The following ECI2 variants were observed in gnomAD, a reference collection of about 807,000 sequenced individuals.
ECI2 encodes the protein enoyl-CoA delta isomerase 2.
In ECI2, 27 loss-of-function variants were observed where a neutral mutation model predicts 38.4. The ratio of observed to expected loss-of-function variants is 0.70; its 90% CI spans 0.52 to 0.97. ECI2 has a LOEUF of 0.97. Ranked by LOEUF, ECI2 falls within the 50% of genes least tolerant of loss-of-function variation. ECI2 has a pLI of 0.00. For synonymous variants in ECI2, 168 were observed against 172.0 expected (o/e 0.98, Z 0.18); for missense variants, 470 against 474.4 (o/e 0.99, Z 0.09).
At chr6:4,123,746 C>T (rs1214730730) in intron 7 of ECI2, among the ~76,000 whole-genome samples, 2 of 151,910 alleles carry the variant, frequency 1.3e-5, no homozygotes, top group Non-Finnish European at 2.9e-5. Context: ...GCAGGCGAAT[C>T]ACTTGAGGTC....
At chr6:4,117,762 TC>T (rs1035050212) in intron 8 of ECI2, 20 of 231,892 alleles carry the variant, frequency 8.6e-5, no homozygotes, top group African/African-American at 4.5e-4. Flanking sequence ...GCTATGATTT[TC>T]CATTTGATAC....
At chr6:4,120,489 G>C (rs770977771) in intron 7 of ECI2, among the ~76,000 whole-genome samples, 5 of 152,176 alleles carry the variant, frequency 3.3e-5, no homozygotes, top group African/African-American at 1.2e-4. Flanking sequence ...CACTTTGGGA[G>C]GCAGAGGTGG....
At chr6:4,125,683 CTG>C in intron 6 of ECI2, 1 of 440,362 alleles carries the variant, frequency 2.3e-6, no homozygotes. Flanking sequence ...GGTTGGGTGA[CTG>C]AGCACATGCT....
At chr6:4,132,386 T>C (rs957232478) in intron 2 of ECI2, among the ~76,000 whole-genome samples, 1 of 151,868 alleles carries the variant, frequency 6.6e-6, no homozygotes, top group Non-Finnish European at 1.5e-5. Flanking sequence ...CTGTATAACC[T>C]GAAGCCCCCA....
chr6:4,118,841 C>T (rs1173679642), intron 8 of ECI2: 3 of 178,822 alleles, frequency 1.7e-5, no homozygotes, highest in African/African-American at 2.4e-5. Context: ...ACTCAGGGGA[C>T]CAAGGGAGGC....
intron 2 of ECI2, among the ~76,000 whole-genome samples, chr6:4,132,760 C>T (rs772637388): frequency 1.3e-5 from 2 of 152,126 alleles, no homozygotes; most frequent in Non-Finnish European, 2.9e-5. Context: ...TCATCTCTCT[C>T]TCTCTTTATT....
In ECI2 at chr6:4,119,199, A is replaced by G. The variant is rs747782539; in HGVS notation, c.872T>C (p.Met291Thr). The G allele has an allele frequency of 1.9e-6, 3 of 1,613,150 alleles. No homozygotes were observed. Among genetic ancestry groups the G allele is most frequent in the South Asian group, 1.1e-5 (1 of 90,872 alleles). The change falls in exon 8 of 10, where the codon ATG becomes ACG. Residue 291 changes from methionine to threonine, a missense_variant. Transcript: ENST00000380118. ...GCSSYTFPKI[M>T]SPAKATEMLI... ...TCCAAAAGTTACCTTGGCTGGGCTC[A>G]TTATCTTCGGAAAAGTGTAAGAGGA...
intron 7 of ECI2, chr6:4,122,025 A>G (rs747490415): frequency 1.9e-6 from 3 of 1,601,322 alleles, no homozygotes; most frequent in African/African-American, 1.3e-5. Context: ...CCTGCCAACA[A>G]CAGCTAAAGG....
Position 4,126,123 on chromosome 6 carries a change from AG to A in ECI2, c.674+11del. The stretch of plus-strand genomic sequence containing the variant: ...GGCCCTCTGGGATCAGACAAAGGTC[AG>A]TAACTCTTACCTCAGTAAAACGGCA... On this transcript the variant is annotated intron_variant, in intron 6 of 9. Transcript: ENST00000380118. 6.2e-7 allele frequency: 1 copy of A among 1,608,402 alleles called. No individual in the cohort carries two copies. The highest frequency in any genetic ancestry group is 1.3e-5 in the African/African-American group (1 of 74,882).
At position 4,115,842 on chromosome 6, in the gene ECI2, C is replaced by G. The variant is rs1179460108; in HGVS notation, c.*32G>C. The G allele has an allele frequency of 1.9e-6, 3 of 1,585,498 alleles. No homozygotes were observed. The highest frequency in any genetic ancestry group is 2.6e-6 in the Non-Finnish European group (3 of 1,167,322). The stretch of plus-strand genomic sequence containing the variant: ...AATCAGAGGTAACAGCACATCCTTC[C>G]TTGGACATGCTTTACTCTGCTGTAG... On this transcript the variant is annotated 3_prime_UTR_variant, in exon 10 of 10. Transcript: ENST00000380118.
chr6:4,119,027 T>A, intron 8 of ECI2, 159 bp downstream of exon 8: 1 of 595,926 alleles, frequency 1.7e-6, no homozygotes, highest in Non-Finnish European at 2.8e-6. Context: ...CATAGCCTGA[T>A]TCCTCCATTG....
chr6:4,131,557 AAG>A (rs1470525885), intron 2 of ECI2, among the ~76,000 whole-genome samples: 5 of 152,286 alleles, frequency 3.3e-5, no homozygotes, highest in African/African-American at 9.6e-5. Flanking sequence ...GGAAAGAAGA[AAG>A]AGTCTTTGAA....
At chr6:4,127,740 G>T in intron 5 of ECI2, 22 bp downstream of exon 5, 3 of 1,603,818 alleles carry the variant, frequency 1.9e-6, no homozygotes, top group Non-Finnish European at 2.6e-6. Flanking sequence ...ATTTAATTAG[G>T]ATGCCTGAGA....
intron 1 of ECI2, chr6:4,135,117 C>G (rs1180164779): frequency 4.0e-6 from 2 of 495,456 alleles, no homozygotes; most frequent in East Asian, 5.6e-5. Context: ...GCGTTTACCT[C>G]GCTTTTAGCA....
At chr6:4,116,237 G>C (rs1410193180) in intron 9 of ECI2, among the ~76,000 whole-genome samples, 1 of 151,838 alleles carries the variant, frequency 6.6e-6, no homozygotes, top group African/African-American at 2.4e-5. Context: ...TGTGATCCCA[G>C]CTACTCAGGA....
chr6:4,125,773 C>G lies in ECI2; in HGVS notation c.674+362G>C, dbSNP rs185634783. On this transcript the variant is annotated intron_variant, in intron 6 of 9. Transcript: ENST00000380118. ...CCTTCATGACCTCCTCCTGTGTTTA[C>G]AAGACTCCTCCGAGTCTCCTACCTT... 9.5e-6 allele frequency: 4 copies of G among 421,092 alleles called. No homozygotes were observed. In the East Asian group the frequency reaches 2.2e-4, roughly 23 times the overall value. 26.1% of individuals were successfully genotyped at this position (421,092 alleles called of 1,614,324 possible).
chr6:4,125,348 C>G lies in ECI2; in HGVS notation c.697G>C (p.Asp233His). ...LLREFVGCFIDFPKPLIAVVN... is the reference protein window; with the variant it reads ...LLREFVGCFIHFPKPLIAVVN... ...ACTGCAATCAGAGGCTTAGGAAAAT[C>G]TATAAAACAGCCCACAAATTCCCTA... Residue 233 changes from aspartate (D) to histidine (H), a missense_variant, in exon 7 of 10, where the codon GAT becomes CAT. Coordinates refer to ENST00000380118, the MANE Select transcript of ECI2 (RefSeq NM_206836.3). 1.2e-6 allele frequency: 2 copies of G among 1,614,160 alleles called. No homozygotes were observed. Among genetic ancestry groups the G allele is most frequent in the South Asian group, 2.2e-5 (2 of 91,084 alleles).
intron 1 of ECI2, chr6:4,134,979 G>A (rs1773658787): frequency 5.4e-6 from 2 of 373,804 alleles, no homozygotes; most frequent in Non-Finnish European, 1.1e-5. Context: ...AGATTCGTGC[G>A]GGTTCCCGGG....
rs763326832 is a variant in ECI2, at chr6:4,130,827, T to A, written c.252A>T (p.Val84=). The change falls in exon 3 of 10, where the codon GTA becomes GTT. Residue 84 remains valine (V), a synonymous_variant. Transcript: ENST00000380118. ...ATTTGGCCTTGTTGATCAAGTCAAA[T>A]ACACCTGGTTTGGGCATGTTACAAG... The part of the protein sequence containing the change: ...EGPCNMPKPG[V]FDLINKAKWD... The A allele has an allele frequency of 1.6e-4, 251 of 1,614,112 alleles. No individual in the cohort carries two copies. Among genetic ancestry groups the A allele is most frequent in the Non-Finnish European group, 2.0e-4 (231 of 1,180,034 alleles).
Sources: allele counts gnomAD v4.1 joint callset (sites outside exome capture counted in the v4.1 genomes callset), GRCh38; gene constraint gnomAD v4.1.1; transcripts MANE v1.5; gene names NCBI Gene and HGNC (gene_info 2026-07-23, HGNC 2026-07-21).